TNFAIP8L3: variants seen among roughly 807,000 people sequenced by gnomAD.
The protein encoded by TNFAIP8L3 is tumor necrosis factor alpha-induced protein 8-like protein 3.
A neutral mutation model predicts 11.8 loss-of-function variants in TNFAIP8L3; 7 were observed. The ratio of observed to expected loss-of-function variants is 0.59; its 90% confidence interval spans 0.34 to 1.11. TNFAIP8L3 has a LOEUF of 1.11. TNFAIP8L3 is among the 50% of genes most tolerant of loss of function. The pLI, the probability that TNFAIP8L3 is intolerant of heterozygous loss-of-function variation, is 0.03. For synonymous variants in TNFAIP8L3, 98 were observed against 103.8 expected, an observed-to-expected ratio of 0.94 and a Z score of 0.34; for missense variants, 219 against 258.6, an observed-to-expected ratio of 0.85 and a Z score of 1.05.
chr15:51,081,251 C>A (rs566077784), intron 1 of TNFAIP8L3, among the ~76,000 whole-genome samples: 1 of 152,238 alleles, frequency 6.6e-6, no homozygotes, highest in South Asian at 2.1e-4. Context: ...AGAGCTGGGA[C>A]CAGGGAGATG....
chr15:51,104,203 C>T (rs1174574681), intron 1 of TNFAIP8L3, among the ~76,000 whole-genome samples: 1 of 152,130 alleles, frequency 6.6e-6, no homozygotes, highest in East Asian at 1.9e-4. Flanking sequence ...TACCATGAGT[C>T]TCTTGATTTT....
intron 1 of TNFAIP8L3, among the ~76,000 whole-genome samples, chr15:51,072,181 C>T (rs1246685919): frequency 6.6e-6 from 1 of 152,056 alleles, no homozygotes; most frequent in Non-Finnish European, 1.5e-5. Flanking sequence ...ACTCTTGTTG[C>T]CCAGGCTGGA....
At chr15:51,072,246 T>C (rs1444336357) in intron 1 of TNFAIP8L3, among the ~76,000 whole-genome samples, 2 of 152,170 alleles carry the variant, frequency 1.3e-5, no homozygotes, top group Non-Finnish European at 2.9e-5. Flanking sequence ...TTTCAAGCAA[T>C]TCTCTTGCTG....
At chr15:51,088,202 G>A (rs1201527747) in intron 1 of TNFAIP8L3, among the ~76,000 whole-genome samples, 1 of 151,926 alleles carries the variant, frequency 6.6e-6, no homozygotes, top group Non-Finnish European at 1.5e-5. Flanking sequence ...ATGCTGAAGG[G>A]AAATGAACCA....
At chr15:51,105,055 T>C in exon 1 of TNFAIP8L3, 3 of 1,614,214 alleles carry the variant, frequency 1.9e-6, no homozygotes, top group Non-Finnish European at 2.5e-6. Flanking sequence ...GAGTCTTGTT[T>C]GTAACGTGGC....
At chr15:51,070,707 T>C (rs995443879) in intron 1 of TNFAIP8L3, among the ~76,000 whole-genome samples, 3 of 152,284 alleles carry the variant, frequency 2.0e-5, no homozygotes, top group East Asian at 3.9e-4. Flanking sequence ...TTCTGAATTA[T>C]TGCCCACTTT....
intron 1 of TNFAIP8L3, among the ~76,000 whole-genome samples, chr15:51,071,482 A>G (rs955845531): frequency 1.3e-5 from 2 of 152,128 alleles, no homozygotes; most frequent in Non-Finnish European, 2.9e-5. Flanking sequence ...ATGCATCAAC[A>G]TCATGTTTAA....
chr15:51,096,044 T>C (rs2033827), upstream of TNFAIP8L3, among the ~76,000 whole-genome samples: 3,526 of 152,286 alleles, frequency 0.023, 167 homozygotes, highest in African/African-American at 0.082. Flanking sequence ...ATTCAACTTA[T>C]TTTCATTCCC....
intron 1 of TNFAIP8L3, among the ~76,000 whole-genome samples, chr15:51,080,824 C>T (rs2065386163): frequency 6.6e-6 from 1 of 152,250 alleles, no homozygotes; most frequent in African/African-American, 2.4e-5. Flanking sequence ...AAGCAGCTAT[C>T]TCAGGAAGAG....
At chr15:51,101,945 C>CAAAAAA (rs11297566) in intron 1 of TNFAIP8L3, among the ~76,000 whole-genome samples, 17 of 85,614 alleles carry the variant, frequency 2.0e-4, no homozygotes, top group African/African-American at 2.6e-4. Context: ...GACTCTGTCT[C>CAAAAAA]AAAAAAAAAA....
chr15:51,089,101 CT>C (rs889061878), intron 1 of TNFAIP8L3, among the ~76,000 whole-genome samples: 3 of 152,170 alleles, frequency 2.0e-5, no homozygotes, highest in Admixed American at 6.5e-5. Context: ...TCCCTTCCCC[CT>C]TTTTTCCCTT....
At chr15:51,066,025 G>A (rs2065268705) in intron 1 of TNFAIP8L3, among the ~76,000 whole-genome samples, 1 of 151,836 alleles carries the variant, frequency 6.6e-6, no homozygotes, top group Non-Finnish European at 1.5e-5. Context: ...GAGATTCCTG[G>A]TAGTCCAAGT....
chr15:51,059,161 G>A (rs541801838), intron 1 of TNFAIP8L3, among the ~76,000 whole-genome samples: 8 of 152,186 alleles, frequency 5.3e-5, no homozygotes, highest in African/African-American at 1.9e-4. Flanking sequence ...TTGTACTGTG[G>A]GAACACAGAC....
chr15:51,079,129 G>A (rs1315311185), intron 1 of TNFAIP8L3, among the ~76,000 whole-genome samples: 1 of 152,200 alleles, frequency 6.6e-6, no homozygotes, highest in South Asian at 2.1e-4. Context: ...CAAACCCTAA[G>A]CTCCCAGCTC....
At position 51,058,021 on chromosome 15, in the gene TNFAIP8L3, C is replaced by G; in HGVS notation, c.475G>C (p.Gly159Arg). Reference protein sequence around the residue: ...VQRHLTPRTHGRINHVFNHFA... With the variant: ...VQRHLTPRTHRRINHVFNHFA... Reference sequence around the variant, plus strand: ...TGGTTAAAGACGTGGTTGATGCGCCCGTGGGTCCTGGGCGTCAGGTGCCGC... The same window carrying G: ...TGGTTAAAGACGTGGTTGATGCGCCGGTGGGTCCTGGGCGTCAGGTGCCGC... Residue 159 changes from glycine (G) to arginine (R), a missense_variant, in exon 2 of 2, where the codon GGG (glycine) becomes CGG (arginine). Physicochemically the swap from Gly to Arg is moderately radical, Grantham distance 125. Coordinates refer to ENST00000637513, the MANE Select transcript of TNFAIP8L3 (RefSeq NM_001311175.2). The G allele has an allele frequency of 6.2e-7, 1 of 1,614,182 alleles. No individual in the cohort carries two copies. The highest frequency in any genetic ancestry group is 8.5e-7 in the Non-Finnish European group (1 of 1,180,046).
chr15:51,064,401 C>G (rs1177983287), intron 1 of TNFAIP8L3, among the ~76,000 whole-genome samples: 3 of 152,066 alleles, frequency 2.0e-5, no homozygotes, highest in Non-Finnish European at 4.4e-5. Context: ...TTGAGAAGTC[C>G]TACAGTAAAG....
chr15:51,058,795 C>G (rs1045363166), intron 1 of TNFAIP8L3, among the ~76,000 whole-genome samples: 1 of 152,238 alleles, frequency 6.6e-6, no homozygotes, highest in African/African-American at 2.4e-5. Context: ...TGCTGTCACG[C>G]TGGAAACCAT....
At chr15:51,075,515 CCTCT>C (rs372153025) in intron 1 of TNFAIP8L3, among the ~76,000 whole-genome samples, 2 of 151,770 alleles carry the variant, frequency 1.3e-5, no homozygotes, top group Non-Finnish European at 1.5e-5. Flanking sequence ...TCTGGGCAAT[CCTCT>C]CTCTCTCTGC....
At chr15:51,086,951 C>T (rs965131177) in intron 1 of TNFAIP8L3, among the ~76,000 whole-genome samples, 1 of 151,576 alleles carries the variant, frequency 6.6e-6, no homozygotes, top group Non-Finnish European at 1.5e-5. Flanking sequence ...TGCAGTGGCA[C>T]GATCTAGGCT....
Sources: allele counts gnomAD v4.1 joint callset (sites outside exome capture counted in the v4.1 genomes callset), GRCh38; gene constraint gnomAD v4.1.1; transcripts MANE v1.5; gene names NCBI Gene and HGNC (gene_info 2026-07-23, HGNC 2026-07-21).